Variants in PAPPA observed in about 807,000 individuals in gnomAD.
The protein encoded by PAPPA is pappalysin 1.
Under a neutral mutation model 164.0 loss-of-function variants are expected in PAPPA, and 60 were observed. The observed-to-expected ratio is 0.37, with a 90% CI of 0.30 to 0.45. The LOEUF (loss-of-function observed/expected upper bound fraction) is 0.45, where lower values mean the gene tolerates loss of function less well. Ranked by LOEUF, PAPPA falls within the 20% of genes least tolerant of loss-of-function variation. The pLI is 1.00. For synonymous variants in PAPPA, 875 were observed against 814.1 expected (o/e 1.07, Z -1.27); for missense variants, 1,782 against 2,087.3 (o/e 0.85, Z 2.85).
At chr9:116,394,597 T>C (rs919915370) in intron 21 of PAPPA, among the ~76,000 whole-genome samples, 2 of 152,226 alleles carry the variant, frequency 1.3e-5, no homozygotes, top group African/African-American at 4.8e-5. Context: ...CCAGTTCTAA[T>C]ATTCTGTGCT....
intron 21 of PAPPA, among the ~76,000 whole-genome samples, chr9:116,390,735 T>A (rs572187954): frequency 6.6e-6 from 1 of 152,248 alleles, no homozygotes; most frequent in Admixed American, 6.5e-5. Context: ...ACTTTTTCCT[T>A]ATGGATGAAG....
At chr9:116,274,801 T>C (rs992900243) in intron 9 of PAPPA, among the ~76,000 whole-genome samples, 1 of 152,208 alleles carries the variant, frequency 6.6e-6, no homozygotes, top group Non-Finnish European at 1.5e-5. Flanking sequence ...GTCTTCTGGG[T>C]AGCTTGAGTG....
intron 19 of PAPPA, among the ~76,000 whole-genome samples, chr9:116,376,717 G>A (rs1252878046): frequency 6.6e-6 from 1 of 152,192 alleles, no homozygotes; most frequent in Non-Finnish European, 1.5e-5. Context: ...GCTAGGAAAA[G>A]TGCCAAAGAA....
chr9:116,245,831 G>A (rs185476223), intron 7 of PAPPA, among the ~76,000 whole-genome samples: 5 of 152,238 alleles, frequency 3.3e-5, no homozygotes, highest in Admixed American at 1.3e-4. Flanking sequence ...GGCTGAACTG[G>A]AACTATTGCC....
chr9:116,347,577 T>C lies in PAPPA; in HGVS notation c.3964+368T>C, dbSNP rs1167335429. ...GTATGATTAGGGCCAGTAAGCCTTA[T>C]GAGGTAAGCGTTACTATTATTCCCA... On this transcript the variant is annotated intron_variant, in intron 15 of 21. Transcript: ENST00000328252. This position sits in a 1 kb window ranked among gnomAD's most constrained non-coding sequence, Gnocchi z 4.5. Among the ~76,000 whole-genome samples, 3 of 152,188 alleles carry C rather than the reference T, an allele frequency of 2.0e-5. No homozygotes were observed. The highest frequency in any genetic ancestry group is 2.9e-5 in the Non-Finnish European group (2 of 68,026).
chr9:116,287,331 CT>C (rs1399715476), intron 9 of PAPPA: 1 of 152,158 alleles, frequency 6.6e-6, no homozygotes, highest in African/African-American at 2.4e-5. Context: ...TCCATTAGCC[CT>C]TCTGGGGGTG....
intron 10 of PAPPA, among the ~76,000 whole-genome samples, chr9:116,324,743 G>A (rs181836212): frequency 4.1e-4 from 63 of 152,230 alleles, no homozygotes; most frequent in Non-Finnish European, 8.7e-4. Flanking sequence ...GCAATGCAGC[G>A]GTGGTGGGCG....
At chr9:116,311,752 A>G (rs910000053) in intron 10 of PAPPA, among the ~76,000 whole-genome samples, 7 of 152,322 alleles carry the variant, frequency 4.6e-5, no homozygotes, top group Middle Eastern at 3.4e-3. Context: ...ATACGTGGCT[A>G]CGTCTTGCGA....
chr9:116,204,366 A>G (rs1404938694), intron 2 of PAPPA, among the ~76,000 whole-genome samples: 1 of 152,088 alleles, frequency 6.6e-6, no homozygotes, highest in African/African-American at 2.4e-5. Flanking sequence ...ACTCTGCGTG[A>G]GTCTGGGATT....
intron 1 of PAPPA, among the ~76,000 whole-genome samples, chr9:116,156,111 T>G (rs75946282): frequency 7.5e-6 from 1 of 133,424 alleles, no homozygotes; most frequent in Admixed American, 7.2e-5. Context: ...TGGAGGTGAT[T>G]TTTTTTTTTT....
intron 8 of PAPPA, among the ~76,000 whole-genome samples, chr9:116,268,030 G>A (rs553765207): frequency 2.6e-5 from 4 of 151,676 alleles, no homozygotes; most frequent in African/African-American, 7.3e-5. Flanking sequence ...ATATATTTCC[G>A]GATCATATGT....
At chr9:116,281,746 C>T (rs1845270452) in intron 9 of PAPPA, among the ~76,000 whole-genome samples, 2 of 152,154 alleles carry the variant, frequency 1.3e-5, no homozygotes, top group African/African-American at 4.8e-5. Context: ...ATGTGGCCTC[C>T]ATTCAATAAA....
chr9:116,289,135 T>TATATATATATATATATATAGC (rs1845384582), intron 9 of PAPPA, among the ~76,000 whole-genome samples: 2 of 49,698 alleles, frequency 4.0e-5, no homozygotes, highest in African/African-American at 1.5e-4. Context: ...TATATATATA[T>TATATATATATATATATATAGC]ATATATATAT....
chr9:116,177,104 CT>C (rs1440395010), intron 1 of PAPPA, among the ~76,000 whole-genome samples: 1 of 152,120 alleles, frequency 6.6e-6, no homozygotes, highest in Non-Finnish European at 1.5e-5. Flanking sequence ...TTCTCTGATA[CT>C]TCCCATGTGC....
At chr9:116,340,757 C>T (rs1386242939) in intron 13 of PAPPA, among the ~76,000 whole-genome samples, 1 of 152,160 alleles carries the variant, frequency 6.6e-6, no homozygotes, top group East Asian at 1.9e-4. Context: ...ACCTTAGCCC[C>T]TTCTGGAAAT....
At position 116,154,677 on chromosome 9, in the gene PAPPA, G is replaced by A. The variant is rs934353699; in HGVS notation, c.415+90G>A. On this transcript the variant is annotated intron_variant, in intron 1 of 21. Coordinates refer to ENST00000328252, the MANE Select transcript of PAPPA (RefSeq NM_002581.5). The surrounding 1 kb of genome is among the most constrained non-coding windows in gnomAD (Gnocchi z 5.2). The stretch of plus-strand genomic sequence containing the variant: ...GGGCGCGGGTGGCGGGCGGGTCGGG[G>A]GCTTGCGGGCGTGTCTGTGCGAGAG... 5 of 1,239,106 alleles carry A rather than the reference G, an allele frequency of 4.0e-6. No homozygotes were observed. The highest frequency in any genetic ancestry group is 3.0e-6 in the Non-Finnish European group (3 of 989,242). The allele number at this position is 1,239,106 out of a possible 1,614,324, so 76.8% of individuals were successfully genotyped here. A position where few individuals can be genotyped will look rare whatever the true frequency, so the allele number is the denominator to read the frequency against.
chr9:116,204,369 C>T (rs73525834), intron 2 of PAPPA, among the ~76,000 whole-genome samples: 8,893 of 152,134 alleles, frequency 0.058, 717 homozygotes, highest in African/African-American at 0.18. Context: ...CTGCGTGAGT[C>T]TGGGATTTTG....
intron 3 of PAPPA, among the ~76,000 whole-genome samples, chr9:116,208,764 G>A (rs763946502): frequency 1.6e-4 from 24 of 152,090 alleles, no homozygotes; most frequent in Non-Finnish European, 2.8e-4. Flanking sequence ...TGAAACCATA[G>A]ACTTAGTTCC....
intron 9 of PAPPA, among the ~76,000 whole-genome samples, chr9:116,272,201 A>C (rs1418783366): frequency 6.6e-6 from 1 of 152,172 alleles, no homozygotes; most frequent in Non-Finnish European, 1.5e-5. Flanking sequence ...GCTGGTCCAG[A>C]TGAGATCATA....
Sources: gnomAD v4.1 joint callset for allele counts (sites outside exome capture counted in the v4.1 genomes callset) on GRCh38, gnomAD v4.1.1 for gene constraint, Gnocchi (gnomAD v3.1) non-coding constraint, MANE v1.5 for transcripts, NCBI Gene and HGNC (gene_info 2026-07-23, HGNC 2026-07-21) for gene names.